SSC5D: variants seen among roughly 807,000 people sequenced by gnomAD.
SSC5D encodes scavenger receptor cysteine rich family member with 5 domains.
In SSC5D, 106 loss-of-function variants were observed where a neutral mutation model predicts 104.6. That is an observed-to-expected ratio of 1.01 (90% confidence interval 0.87 to 1.19). SSC5D has a LOEUF of 1.19. Ranked by LOEUF, SSC5D falls within the 50% of genes most tolerant of loss-of-function variation. The pLI is 0.00. For missense variants in SSC5D, 1,993 were observed against 2,153.8 expected (o/e 0.93, Z 1.48); for synonymous variants, 860 against 883.5 (o/e 0.97, Z 0.47).
At position 55,512,995 on chromosome 19, in the gene SSC5D, C is replaced by T. The variant is rs1987789455; in HGVS notation, c.2786-16C>T. Reference sequence around the variant, plus strand: ...GGAAGTTGGAAGACTCAATCCTCTTCCCCATATCTCTCTAGGCAGCAAAGA... The same window carrying T: ...GGAAGTTGGAAGACTCAATCCTCTTTCCCATATCTCTCTAGGCAGCAAAGA... On this transcript the variant is annotated splice_polypyrimidine_tract_variant and intron_variant, in intron 12 of 13. Coordinates refer to ENST00000389623, the MANE Select transcript of SSC5D (RefSeq NM_001144950.2). 6.4e-7 allele frequency: 1 copy of T among 1,551,738 alleles called. No individual in the cohort carries two copies. The highest frequency in any genetic ancestry group is 2.0e-5 in the Admixed American group (1 of 50,966).
chr19:55,489,386 T>G lies in SSC5D; in HGVS notation c.85T>G (p.Cys29Gly). The G allele has an allele frequency of 6.8e-7, 1 of 1,480,504 alleles. No individual in the cohort carries two copies. The highest frequency in any genetic ancestry group is 8.9e-7 in the Non-Finnish European group (1 of 1,122,698). 91.7% of individuals were successfully genotyped at this position (1,480,504 alleles called of 1,614,324 possible). A position where few individuals can be genotyped will look rare whatever the true frequency, so the allele number is the denominator to read the frequency against. Residue 29 changes from cysteine (C) to glycine (G), a missense_variant, in exon 3 of 14, where the codon TGC (cysteine) becomes GGC (glycine). This residue lies in a region of SSC5D where 1,101 missense variants were observed against 1,085.0 expected (regional missense o/e 1.01). Coordinates refer to ENST00000389623, the MANE Select transcript of SSC5D (RefSeq NM_001144950.2). Reference protein sequence around the residue: ...RLRLADGPHGCAGRLEVWHGG... With the variant: ...RLRLADGPHGGAGRLEVWHGG... ...GCGCCTGGCCGATGGCCCCCATGGG[T>G]GCGCTGGCCGCCTGGAGGTCTGGCA...
Position 55,494,711 on chromosome 19 carries a change from G to A in SSC5D, c.1315G>A (p.Ala439Thr). The change falls in exon 8 of 14, where the codon GCT becomes ACT. Residue 439 changes from alanine to threonine, a missense_variant. Ala to Thr is a moderately conservative substitution (Grantham distance 58). Transcript: ENST00000389623. ...GCCCCCGTCCACCATGACGAGCCAG[G>A]CTCCAGGGACGGCAGGCGTTTCACC... ...SRPPSTMTSQAPGTAGVSPPP... is the reference protein window; with the variant it reads ...SRPPSTMTSQTPGTAGVSPPP... 1 of 1,550,540 alleles carries A rather than the reference G, an allele frequency of 6.4e-7. No individual in the cohort carries two copies. The highest frequency in any genetic ancestry group is 8.7e-7 in the Non-Finnish European group (1 of 1,146,674).
intron 8 of SSC5D, 90 bp downstream of exon 8, chr19:55,494,873 C>A: frequency 7.2e-7 from 1 of 1,394,064 alleles, no homozygotes; most frequent in Non-Finnish European, 9.5e-7. Context: ...GGGCCTCTTG[C>A]AAAGAGAAAG....
intron 8 of SSC5D, among the ~76,000 whole-genome samples, chr19:55,495,263 G>C (rs1987296759): frequency 3.0e-5 from 1 of 33,866 alleles, no homozygotes; most frequent in Non-Finnish European, 5.5e-5. Context: ...TTTTTTTTGA[G>C]AGTGGATTTA....
rs1599920982 is a variant in SSC5D at position 55,500,221 on chromosome 19, C to A, written c.2111C>A (p.Ala704Asp). Reference protein sequence around the residue: ...SHTTATLTPQAPRERTTKTMA... With the variant: ...SHTTATLTPQDPRERTTKTMA... ...ACCACTGCCACGCTGACCCCTCAGG[C>A]CCCCCGAGAACGGACCACTAAGACC... Residue 704 changes from alanine to aspartate, a missense_variant, in exon 10 of 14, where the codon GCC becomes GAC. By Grantham distance (126) the Ala-to-Asp change is moderately radical. Transcript: ENST00000389623. This position sits in a 1 kb window ranked among gnomAD's most constrained non-coding sequence, Gnocchi z 4.6. 1 of 1,551,262 alleles carries A rather than the reference C, an allele frequency of 6.4e-7. No individual in the cohort carries two copies. The highest frequency in any genetic ancestry group is 8.7e-7 in the Non-Finnish European group (1 of 1,146,830).
Position 55,503,445 on chromosome 19 carries a change from C to T in SSC5D, c.2785+2244C>T, listed in dbSNP as rs558324436. ...GGTTGTTTTCTGAGTCTCCATCTCC[C>T]GCGCCTTCCCTGCAGTCTCCCGCGT... On this transcript the variant is annotated intron_variant, in intron 12 of 13. Coordinates refer to ENST00000389623, the MANE Select transcript of SSC5D (RefSeq NM_001144950.2). This position sits in a 1 kb window ranked among gnomAD's most constrained non-coding sequence, Gnocchi z 4.0. 2.4e-3 allele frequency among the ~76,000 whole-genome samples: 359 copies of T among 152,210 alleles called. 1 individual carries two copies. Among genetic ancestry groups the T allele is most frequent in the South Asian group, 8.1e-3 (39 of 4,818 alleles).
Position 55,489,048 on chromosome 19 carries a change from C to A in SSC5D, c.52+16C>A, listed in dbSNP as rs1456602466. Reference sequence around the variant, plus strand: ...CAGGCTGTTGGTAAGTGCCCAGACTCCTCCCATCTGCCCGCCCCCCCCCCC... The same window carrying A: ...CAGGCTGTTGGTAAGTGCCCAGACTACTCCCATCTGCCCGCCCCCCCCCCC... On this transcript the variant is annotated intron_variant, in intron 2 of 13. Transcript: ENST00000389623. 5.6e-6 allele frequency: 8 copies of A among 1,426,830 alleles called. No homozygotes were observed. The highest frequency in any genetic ancestry group is 6.4e-6 in the Non-Finnish European group (7 of 1,088,244). 88.4% of individuals were successfully genotyped at this position (1,426,830 alleles called of 1,614,324 possible).
chr19:55,490,203 A>C (rs1255044937), intron 4 of SSC5D, 95 bp from the exon 5 acceptor site: 1 of 615,622 alleles, frequency 1.6e-6, no homozygotes, highest in Non-Finnish European at 3.0e-6. Context: ...GGAGTCCTCC[A>C]TCACTTCAGA....
rs1186930770 is a variant in SSC5D at position 55,490,876 on chromosome 19, G to A, written c.691G>A (p.Asp231Asn). 12 of 1,546,584 alleles carry A rather than the reference G, an allele frequency of 7.8e-6. No homozygotes were observed. Among genetic ancestry groups the A allele is most frequent in the East Asian group, 2.4e-5 (1 of 40,876 alleles). ...ATGTGACGATGGCTGGGACCTGCGCGACGCTGCTGTAGCCTGCCGGGAACT... is the reference window on the plus strand; with the variant it reads ...ATGTGACGATGGCTGGGACCTGCGCAACGCTGCTGTAGCCTGCCGGGAACT... ...TVCDDGWDLR[D>N]AAVACRELGC... is the part of the protein sequence containing the mutation. The change falls in exon 6 of 14, where the codon GAC (aspartate) becomes AAC (asparagine). Residue 231 changes from aspartate to asparagine, a missense_variant. This residue lies in a region of SSC5D where 1,101 missense variants were observed against 1,085.0 expected (regional missense o/e 1.01). Coordinates refer to ENST00000389623, the MANE Select transcript of SSC5D (RefSeq NM_001144950.2).
chr19:55,510,385 G>A (rs1987728898), intron 12 of SSC5D, among the ~76,000 whole-genome samples: 1 of 152,028 alleles, frequency 6.6e-6, no homozygotes, highest in African/African-American at 2.4e-5. Flanking sequence ...TTTTGCTCTT[G>A]TTGCCCAGGC....
chr19:55,504,180 T>G (rs2123448826), intron 12 of SSC5D: 2 of 1,534,772 alleles, frequency 1.3e-6, no homozygotes, highest in Non-Finnish European at 1.7e-6. Context: ...TTGCAGCGCC[T>G]CCCTAGCCCA....
intron 8 of SSC5D, 63 bp downstream of exon 8, chr19:55,494,846 T>C: frequency 1.4e-6 from 2 of 1,459,226 alleles, no homozygotes; most frequent in South Asian, 2.8e-5. Context: ...CCCTCAGCTC[T>C]GAGACTGTCT....
chr19:55,490,808 C>T lies in SSC5D; in HGVS notation c.623C>T (p.Ala208Val). The change falls in exon 6 of 14, where the codon GCC becomes GTC. Residue 208 changes from alanine to valine, a missense_variant. Around this residue, in one of 6 missense-constraint regions of SSC5D, gnomAD observed 1,101 missense variants for 1,085.0 expected, o/e 1.01. Transcript: ENST00000389623. ...CTGGTCTCTGGCCCCCACAGGTGCG[C>T]CGGACGCCTGGAGGTCTGGCACGGC... is the stretch of plus-strand genomic sequence containing the variant. The part of the protein sequence containing the change: ...LRLVSGPHRC[A>V]GRLEVWHGGR... 1 of 1,545,358 alleles carries T rather than the reference C, an allele frequency of 6.5e-7. No homozygotes were observed. The highest frequency in any genetic ancestry group is 2.4e-5 in the East Asian group (1 of 40,888).
Position 55,498,246 on chromosome 19 carries a change from G to T in SSC5D, c.1705+49G>T, listed in dbSNP as rs1037851442. 2.0e-6 allele frequency: 3 copies of T among 1,534,458 alleles called. No homozygotes were observed. The East Asian group carries it at 7.4e-5, about 38-fold the overall frequency. On this transcript the variant is annotated intron_variant, in intron 9 of 13. Transcript: ENST00000389623. ...TGACTCCAGGAGGGCTTCCTGGAGG[G>T]GAACAGTAACTAACATGGGCACTAA...
chr19:55,500,864 G>C lies in SSC5D; in HGVS notation c.2617+60G>C. ...GGGGTGGCCAGGAGAATGGAGTCAG[G>C]GTGGGGCCAGGTGACGGCACCATGG... On this transcript the variant is annotated intron_variant, in intron 11 of 13. Transcript: ENST00000389623. This position sits in a 1 kb window ranked among gnomAD's most constrained non-coding sequence, Gnocchi z 4.6. 8 of 1,515,400 alleles carry C rather than the reference G, an allele frequency of 5.3e-6. No individual in the cohort carries two copies. The highest frequency in any genetic ancestry group is 5.1e-5 in the South Asian group (4 of 77,984). 93.9% of individuals were successfully genotyped at this position (1,515,400 alleles called of 1,614,324 possible).
rs1165739897 is a variant in SSC5D, at chr19:55,518,259, C to T, written c.3983C>T (p.Pro1328Leu). 6.4e-7 allele frequency: 1 copy of T among 1,550,464 alleles called. No individual in the cohort carries two copies. Among genetic ancestry groups the T allele is most frequent in the Non-Finnish European group, 8.7e-7 (1 of 1,146,694 alleles). The change falls in exon 14 of 14, where the codon CCT (proline) becomes CTT (leucine). Residue 1328 changes from proline to leucine, a missense_variant. Physicochemically the swap from Pro to Leu is moderately conservative, Grantham distance 98. Coordinates refer to ENST00000389623, the MANE Select transcript of SSC5D (RefSeq NM_001144950.2). ...DPTTTPHPTT[P>L]DPSSTPVITT... is the part of the protein sequence containing the mutation. ...ACCACGACCCCTCACCCCACAACTC[C>T]TGACCCTTCCTCAACCCCTGTCATC... is the stretch of plus-strand genomic sequence containing the variant.
chr19:55,517,632 C>G lies in SSC5D; in HGVS notation c.3356C>G (p.Pro1119Arg). The change falls in exon 14 of 14, where the codon CCA (proline) becomes CGA (arginine). Residue 1119 changes from proline (P) to arginine (R), a missense_variant. Transcript: ENST00000389623. ...TSLSPTSEQV[P>R]ESDTTPDLDT... is the part of the protein sequence containing the mutation. ...CTTTCCCCTACCTCAGAGCAGGTCC[C>G]AGAATCTGACACAACCCCAGATTTG... 2 of 1,551,784 alleles carry G rather than the reference C, an allele frequency of 1.3e-6. No individual in the cohort carries two copies. Among genetic ancestry groups the G allele is most frequent in the Non-Finnish European group, 1.7e-6 (2 of 1,147,056 alleles).
chr19:55,490,282 C>G lies in SSC5D; in HGVS notation c.476-16C>G. 1.3e-6 allele frequency: 1 copy of G among 784,792 alleles called. No individual in the cohort carries two copies. The highest frequency in any genetic ancestry group is 1.5e-5 in the South Asian group (1 of 66,850). The allele number at this position is 784,792 out of a possible 1,614,324, so 48.6% of individuals were successfully genotyped here. A position where few individuals can be genotyped will look rare whatever the true frequency, so the allele number is the denominator to read the frequency against. On this transcript the variant is annotated splice_polypyrimidine_tract_variant and intron_variant, in intron 4 of 13. Coordinates refer to ENST00000389623, the MANE Select transcript of SSC5D (RefSeq NM_001144950.2). Reference sequence around the variant, plus strand: ...GAGGGGCTCAGCTCCTGACCCCTGGCTGTCTCCACTCCCAGCCCCCCGCCC... The same window carrying G: ...GAGGGGCTCAGCTCCTGACCCCTGGGTGTCTCCACTCCCAGCCCCCCGCCC...
chr19:55,501,108 A>G lies in SSC5D; in HGVS notation c.2692A>G (p.Thr898Ala), dbSNP rs1987490194. ...TSREDLAKGT[T>A]TAGVPGHTLP... ...AAGAGAGGACCTGGCCAAGGGGACT[A>G]CCACAGCGGGGGTACCTGGACACAC... The change falls in exon 12 of 14, where the codon ACC becomes GCC. Residue 898 changes from threonine (T) to alanine (A), a missense_variant. Thr to Ala is a moderately conservative substitution (Grantham distance 58, BLOSUM62 0). Coordinates refer to ENST00000389623, the MANE Select transcript of SSC5D (RefSeq NM_001144950.2). 1 of 1,551,514 alleles carries G rather than the reference A, an allele frequency of 6.4e-7. No homozygotes were observed. The highest frequency in any genetic ancestry group is 8.7e-7 in the Non-Finnish European group (1 of 1,146,934).
Sources: allele counts gnomAD v4.1 joint callset (sites outside exome capture counted in the v4.1 genomes callset), GRCh38; gene constraint gnomAD v4.1.1; regional missense constraint gnomAD v4.1.1; non-coding constraint Gnocchi (gnomAD v3.1); transcripts MANE v1.5; gene names NCBI Gene and HGNC (gene_info 2026-07-23, HGNC 2026-07-21).